EIF5AL1: variants seen among roughly 807,000 people sequenced by gnomAD.
EIF5AL1 encodes the protein eukaryotic translation initiation factor 5A like 1, also known as eukaryotic translation initiation factor 5A-1-like.
Under a neutral mutation model 9.0 loss-of-function variants are expected in EIF5AL1, and 4 were observed. The ratio of observed to expected loss-of-function variants is 0.45; its 90% CI spans 0.22 to 1.02. The LOEUF is 1.02. Ranked by LOEUF, EIF5AL1 falls within the 50% of genes least tolerant of loss-of-function variation. EIF5AL1 has a pLI of 0.24. For missense variants in EIF5AL1, 58 were observed against 194.1 expected (o/e 0.30, Z 4.17); for synonymous variants, 40 against 75.7 (o/e 0.53, Z 2.45).
At position 79,512,560 on chromosome 10, in the gene EIF5AL1, G is replaced by A. The variant is rs1225862949; in HGVS notation, c.-90G>A. 8.9e-6 allele frequency: 10 copies of A among 1,119,636 alleles called. No individual in the cohort carries two copies. Among genetic ancestry groups the A allele is most frequent in the Admixed American group, 2.3e-5 (1 of 43,074 alleles). The allele number at this position is 1,119,636 out of a possible 1,614,324, so 69.4% of individuals were successfully genotyped here. On this transcript the variant is annotated 5_prime_UTR_variant, in exon 1 of 1. Transcript: ENST00000520547. ...TAGAGGCGGCGGCGGCGGCGGCGGC[G>A]GCGGGCTCGGAGGCAGCGGTTGGGC...
rs1226175133 is a variant in EIF5AL1, at chr10:79,514,361, ACTG to A, written c.*1248_*1250del. 6.0e-6 allele frequency: 1 copy of A among 167,068 alleles called. No individual in the cohort carries two copies. Among genetic ancestry groups the A allele is most frequent in the Non-Finnish European group, 1.5e-5 (1 of 68,122 alleles). The allele number at this position is 167,068 out of a possible 1,614,324, so 10.3% of individuals were successfully genotyped here. A position where few individuals can be genotyped will look rare whatever the true frequency, so the allele number is the denominator to read the frequency against. On this transcript the variant is annotated 3_prime_UTR_variant, in exon 1 of 1. Transcript: ENST00000520547. Reference sequence around the variant, plus strand: ...GGAGGACTAGATGGAAAACAAGTAGACTGAGGGTCTGCTAGTGAAGGTGACCCC... The same window carrying A: ...GGAGGACTAGATGGAAAACAAGTAGAAGGGTCTGCTAGTGAAGGTGACCCC...
rs1347450269 is a variant in EIF5AL1 at position 79,513,238 on chromosome 10, G to A, written c.*124G>A. ...ACTCCTCCTACACAATTTATTTGAC[G>A]TTTTATTTTGGTTTTCCCCACCCCC... On this transcript the variant is annotated 3_prime_UTR_variant, in exon 1 of 1. Coordinates refer to ENST00000520547, the MANE Select transcript of EIF5AL1 (RefSeq NM_001099692.2). 6.1e-6 allele frequency: 8 copies of A among 1,312,928 alleles called. No individual in the cohort carries two copies. The highest frequency in any genetic ancestry group is 1.3e-5 in the South Asian group (1 of 78,058). The allele number at this position is 1,312,928 out of a possible 1,614,324, so 81.3% of individuals were successfully genotyped here. A position where few individuals can be genotyped will look rare whatever the true frequency, so the allele number is the denominator to read the frequency against.
At position 79,515,837 on chromosome 10, in the gene EIF5AL1, A is replaced by G. The variant is rs1417609099; in HGVS notation, c.*2723A>G. ...ACCTCTGAAATTCCTGATGTATTCA[A>G]TGAAATAACATCTTTAAAGTTCTGT... is the stretch of plus-strand genomic sequence containing the variant. On this transcript the variant is annotated 3_prime_UTR_variant, in exon 1 of 1. Transcript: ENST00000520547. 6.0e-6 allele frequency: 1 copy of G among 166,928 alleles called. No individual in the cohort carries two copies. Among genetic ancestry groups the G allele is most frequent in the African/African-American group, 2.4e-5 (1 of 41,350 alleles). 10.3% of individuals were successfully genotyped at this position (166,928 alleles called of 1,614,324 possible). A position where few individuals can be genotyped will look rare whatever the true frequency, so the allele number is the denominator to read the frequency against.
In EIF5AL1 at chr10:79,515,891, C is replaced by T. The variant is rs1354103381; in HGVS notation, c.*2777C>T. On this transcript the variant is annotated 3_prime_UTR_variant, in exon 1 of 1. Transcript: ENST00000520547. Reference sequence around the variant, plus strand: ...GAATGTTTTTTTTCTGATTTCTTCACATACGATAGAAAAAAAAACCCAAAA... The same window carrying T: ...GAATGTTTTTTTTCTGATTTCTTCATATACGATAGAAAAAAAAACCCAAAA... The T allele has an allele frequency of 6.0e-6, 1 of 166,448 alleles. No individual in the cohort carries two copies. The highest frequency in any genetic ancestry group is 2.4e-5 in the African/African-American group (1 of 41,206). 10.3% of individuals were successfully genotyped at this position (166,448 alleles called of 1,614,324 possible).
rs533139087 is a variant in EIF5AL1, at chr10:79,516,355, G to T, written c.*3241G>T. On this transcript the variant is annotated 3_prime_UTR_variant, in exon 1 of 1. Transcript: ENST00000520547. The stretch of plus-strand genomic sequence containing the variant: ...AACTTATATATTTTCTGTTTTCTAC[G>T]TATGTTGAAGGGCAGTGCCAAATGA... The T allele has an allele frequency of 2.0e-4, 33 of 167,170 alleles. No homozygotes were observed. In the South Asian group the frequency reaches 6.6e-3, roughly 34 times the overall value. 10.4% of individuals were successfully genotyped at this position (167,170 alleles called of 1,614,324 possible).
At position 79,515,969 on chromosome 10, in the gene EIF5AL1, G is replaced by C. The variant is rs1190965962; in HGVS notation, c.*2855G>C. On this transcript the variant is annotated 3_prime_UTR_variant, in exon 1 of 1. Transcript: ENST00000520547. The stretch of plus-strand genomic sequence containing the variant: ...CAATGGGTGATCTAAAAAGATGAAA[G>C]AGCAACCGCATGCGCCCTACAGCTA... 1 of 167,014 alleles carries C rather than the reference G, an allele frequency of 6.0e-6. No homozygotes were observed. Among genetic ancestry groups the C allele is most frequent in the Non-Finnish European group, 1.5e-5 (1 of 68,126 alleles). 10.3% of individuals were successfully genotyped at this position (167,014 alleles called of 1,614,324 possible).
Position 79,515,276 on chromosome 10 carries a change from C to G in EIF5AL1, c.*2162C>G. 3.1e-6 allele frequency: 1 copy of G among 319,390 alleles called. No individual in the cohort carries two copies. The highest frequency in any genetic ancestry group is 6.3e-6 in the Non-Finnish European group (1 of 159,796). The allele number at this position is 319,390 out of a possible 1,614,324, so 19.8% of individuals were successfully genotyped here. ...ATGGGGACTCTGACAGATAGCATAC[C>G]TTCCTGTCTATGGCTATTGGACCTG... On this transcript the variant is annotated 3_prime_UTR_variant, in exon 1 of 1. Coordinates refer to ENST00000520547, the MANE Select transcript of EIF5AL1 (RefSeq NM_001099692.2).
Position 79,516,253 on chromosome 10 carries a change from C to G in EIF5AL1, c.*3139C>G, listed in dbSNP as rs1858231428. ...TAAAAAGTGGTACATTAAAAAACTT[C>G]CCCCAGTTCACATCAAAAATTCTCT... On this transcript the variant is annotated 3_prime_UTR_variant, in exon 1 of 1. Transcript: ENST00000520547. 1 of 167,074 alleles carries G rather than the reference C, an allele frequency of 6.0e-6. No individual in the cohort carries two copies. Among genetic ancestry groups the G allele is most frequent in the Non-Finnish European group, 1.5e-5 (1 of 68,116 alleles). The allele number at this position is 167,074 out of a possible 1,614,324, so 10.3% of individuals were successfully genotyped here.
At position 79,512,946 on chromosome 10, in the gene EIF5AL1, A is replaced by G. The variant is rs1858172827; in HGVS notation, c.297A>G (p.Leu99=). The change falls in exon 1 of 1, where the codon CTA becomes CTG. Residue 99 remains leucine, a synonymous_variant. Coordinates refer to ENST00000520547, the MANE Select transcript of EIF5AL1 (RefSeq NM_001099692.2). ...TGATTGGCATCCAGGATGGGTACCT[A>G]TCACTGCTCCAGGACAGCGGGGAGG... ...FQLIGIQDGY[L]SLLQDSGEVP... 1 of 1,613,908 alleles carries G rather than the reference A, an allele frequency of 6.2e-7. No homozygotes were observed. The highest frequency in any genetic ancestry group is 8.5e-7 in the Non-Finnish European group (1 of 1,179,896).
rs201142369 is a variant in EIF5AL1 at position 79,513,413 on chromosome 10, CT to C, written c.*313del. On this transcript the variant is annotated 3_prime_UTR_variant, in exon 1 of 1. Transcript: ENST00000520547. ...GGGTGGGTGCTGCTTGTGGTTTAGT[CT>C]TTTTTTTTTTTTTAAATTCAATCTG... 0.28 allele frequency: 107,433 copies of C among 377,138 alleles called. 3,792 individuals carry two copies. The highest frequency in any genetic ancestry group is 0.34 in the South Asian group (9,643 of 28,684). 23.4% of individuals were successfully genotyped at this position (377,138 alleles called of 1,614,324 possible).
At position 79,515,483 on chromosome 10, in the gene EIF5AL1, G is replaced by C. The variant is rs1858219073; in HGVS notation, c.*2369G>C. On this transcript the variant is annotated 3_prime_UTR_variant, in exon 1 of 1. Coordinates refer to ENST00000520547, the MANE Select transcript of EIF5AL1 (RefSeq NM_001099692.2). ...TCACGTTATACATTTTTTACCGCAG[G>C]TTAAAATGTTTCACAGGTTGAAAGG... is the stretch of plus-strand genomic sequence containing the variant. 1 of 168,200 alleles carries C rather than the reference G, an allele frequency of 5.9e-6. No homozygotes were observed. The highest frequency in any genetic ancestry group is 1.4e-5 in the Non-Finnish European group (1 of 68,972). 10.4% of individuals were successfully genotyped at this position (168,200 alleles called of 1,614,324 possible).
rs1341077861 is a variant in EIF5AL1 at position 79,515,108 on chromosome 10, A to C, written c.*1994A>C. ...AAAGAAGTATTTTAGGTCCATTTTA[A>C]TTCCTGCAAAGGATAAAATCCTTCT... On this transcript the variant is annotated 3_prime_UTR_variant, in exon 1 of 1. Transcript: ENST00000520547. 1.4e-5 allele frequency: 3 copies of C among 219,850 alleles called. No individual in the cohort carries two copies. Among genetic ancestry groups the C allele is most frequent in the South Asian group, 1.4e-4 (2 of 14,524 alleles). The allele number at this position is 219,850 out of a possible 1,614,324, so 13.6% of individuals were successfully genotyped here.
rs1262942341 is a variant in EIF5AL1, at chr10:79,515,469, A to C, written c.*2355A>C. 5.9e-6 allele frequency: 1 copy of C among 168,568 alleles called. No individual in the cohort carries two copies. Among genetic ancestry groups the C allele is most frequent in the Non-Finnish European group, 1.4e-5 (1 of 69,156 alleles). The allele number at this position is 168,568 out of a possible 1,614,324, so 10.4% of individuals were successfully genotyped here. On this transcript the variant is annotated 3_prime_UTR_variant, in exon 1 of 1. Coordinates refer to ENST00000520547, the MANE Select transcript of EIF5AL1 (RefSeq NM_001099692.2). ...TAAGATGGTAATTATCACGTTATACATTTTTTACCGCAGGTTAAAATGTTT... is the reference window on the plus strand; with the variant it reads ...TAAGATGGTAATTATCACGTTATACCTTTTTTACCGCAGGTTAAAATGTTT...
In EIF5AL1 at chr10:79,512,927, G is replaced by C. The variant is rs777930204; in HGVS notation, c.278G>C (p.Gly93Ala). The part of the protein sequence containing the change: ...NIKRNDFQLI[G>A]IQDGYLSLLQ... ...AAAAGGAATGACTTCCAGCTGATTG[G>C]CATCCAGGATGGGTACCTATCACTG... The change falls in exon 1 of 1, where the codon GGC becomes GCC. Residue 93 changes from glycine (G) to alanine (A), a missense_variant. Coordinates refer to ENST00000520547, the MANE Select transcript of EIF5AL1 (RefSeq NM_001099692.2). 2.9e-5 allele frequency: 46 copies of C among 1,613,786 alleles called. No individual in the cohort carries two copies. The highest frequency in any genetic ancestry group is 3.6e-5 in the Non-Finnish European group (43 of 1,179,928).
chr10:79,513,461 T>C lies in EIF5AL1; in HGVS notation c.*347T>C. 2.7e-6 allele frequency: 1 copy of C among 371,000 alleles called. No homozygotes were observed. Among genetic ancestry groups the C allele is most frequent in the South Asian group, 2.8e-5 (1 of 35,842 alleles). The allele number at this position is 371,000 out of a possible 1,614,324, so 23.0% of individuals were successfully genotyped here. A position where few individuals can be genotyped will look rare whatever the true frequency, so the allele number is the denominator to read the frequency against. ...TCTGGAATCAGAAAGCGGTGGATTC[T>C]GGCAAATGGTCCTTGTGCCCTCCCC... is the stretch of plus-strand genomic sequence containing the variant. On this transcript the variant is annotated 3_prime_UTR_variant, in exon 1 of 1. Transcript: ENST00000520547.
In EIF5AL1 at chr10:79,516,120, T is replaced by C. The variant is rs1007283375; in HGVS notation, c.*3006T>C. 1.2e-5 allele frequency: 2 copies of C among 167,092 alleles called. No homozygotes were observed. Among genetic ancestry groups the C allele is most frequent in the African/African-American group, 4.8e-5 (2 of 41,450 alleles). 10.4% of individuals were successfully genotyped at this position (167,092 alleles called of 1,614,324 possible). A position where few individuals can be genotyped will look rare whatever the true frequency, so the allele number is the denominator to read the frequency against. On this transcript the variant is annotated 3_prime_UTR_variant, in exon 1 of 1. Coordinates refer to ENST00000520547, the MANE Select transcript of EIF5AL1 (RefSeq NM_001099692.2). ...ACATTTCATGGCAATCACGATGTCC[T>C]GGTTTGTGAGATAATGGGATAGAGG... is the stretch of plus-strand genomic sequence containing the variant.
rs1858227433 is a variant in EIF5AL1 at position 79,516,030 on chromosome 10, T to C, written c.*2916T>C. 6.0e-6 allele frequency: 1 copy of C among 167,068 alleles called. No individual in the cohort carries two copies. The highest frequency in any genetic ancestry group is 6.5e-5 in the Admixed American group (1 of 15,282). The allele number at this position is 167,068 out of a possible 1,614,324, so 10.3% of individuals were successfully genotyped here. On this transcript the variant is annotated 3_prime_UTR_variant, in exon 1 of 1. Coordinates refer to ENST00000520547, the MANE Select transcript of EIF5AL1 (RefSeq NM_001099692.2). ...TTATGGGGAAAGCAGCTGGCCCAGT[T>C]TGCAGCTAGGAGAAATGTCAAACAC...
rs74565630 is a variant in EIF5AL1, at chr10:79,513,877, G to C, written c.*763G>C. On this transcript the variant is annotated 3_prime_UTR_variant, in exon 1 of 1. Transcript: ENST00000520547. ...CCACCCAGGGCACCCTTCAGCACAC[G>C]CTGTCTGGAGTGGCCTGAAGCAAGG... is the stretch of plus-strand genomic sequence containing the variant. The C allele has an allele frequency of 6.0e-6, 1 of 167,302 alleles. No homozygotes were observed. Among genetic ancestry groups the C allele is most frequent in the Non-Finnish European group, 1.5e-5 (1 of 68,334 alleles). The allele number at this position is 167,302 out of a possible 1,614,324, so 10.4% of individuals were successfully genotyped here. A position where few individuals can be genotyped will look rare whatever the true frequency, so the allele number is the denominator to read the frequency against.
rs774241541 is a variant in EIF5AL1, at chr10:79,513,043, G to A, written c.394G>A (p.Glu132Lys). The change falls in exon 1 of 1, where the codon GAG (glutamate) becomes AAG (lysine). Residue 132 changes from glutamate to lysine, a missense_variant. By Grantham distance (56) the Glu-to-Lys change is moderately conservative. Coordinates refer to ENST00000520547, the MANE Select transcript of EIF5AL1 (RefSeq NM_001099692.2). ...EIEQKYDCGE[E>K]ILITVLSAMT... is the part of the protein sequence containing the mutation. ...TGAGCAGAAGTACGACTGTGGAGAA[G>A]AGATCCTGATCACGGTGCTGTCTGC... The A allele has an allele frequency of 6.2e-7, 1 of 1,611,998 alleles. No homozygotes were observed. Among genetic ancestry groups the A allele is most frequent in the Non-Finnish European group, 8.5e-7 (1 of 1,178,562 alleles).
Sources: allele counts gnomAD v4.1 joint callset, GRCh38; gene constraint gnomAD v4.1.1; transcripts MANE v1.5; gene names NCBI Gene and HGNC (gene_info 2026-07-23, HGNC 2026-07-21).